GRIN2B: variants seen among roughly 807,000 people sequenced by gnomAD.
GRIN2B encodes the protein glutamate receptor ionotropic, NMDA 2B.
A neutral mutation model predicts 114.5 loss-of-function variants in GRIN2B; 5 were observed. The observed-to-expected ratio is 0.04, with a 90% CI of 0.02 to 0.09. The LOEUF (loss-of-function observed/expected upper bound fraction) is 0.09, where lower values mean the gene tolerates loss of function less well. GRIN2B is among the 10% of genes least tolerant of loss of function. The probability of loss-of-function intolerance (pLI) is 1.00; values close to 1 mark genes in which losing one functional copy is unlikely to be tolerated. For synonymous variants in GRIN2B, 787 were observed against 745.1 expected (o/e 1.06, Z -0.92); for missense variants, 1,108 against 1,943.5 (o/e 0.57, Z 8.08).
intron 3 of GRIN2B, among the ~76,000 whole-genome samples, chr12:13,860,306 T>C (rs1865731926): frequency 6.6e-6 from 1 of 152,162 alleles, no homozygotes; most frequent in African/African-American, 2.4e-5. Flanking sequence ...AAAGCATCCA[T>C]TCCCAAAGAA....
intron 2 of GRIN2B, among the ~76,000 whole-genome samples, chr12:13,954,675 G>A (rs532881822): frequency 1.4e-3 from 210 of 151,586 alleles, no homozygotes; most frequent in Non-Finnish European, 2.3e-3. Context: ...ACCTGGGTGC[G>A]ATGGTGCACA....
chr12:13,874,650 C>G (rs941826842), intron 2 of GRIN2B, among the ~76,000 whole-genome samples: 1 of 152,138 alleles, frequency 6.6e-6, no homozygotes, highest in Admixed American at 6.5e-5. Flanking sequence ...CATTTGGCAG[C>G]AGATTAGGGC....
At chr12:13,580,518 A>G (rs77479455) in intron 10 of GRIN2B, among the ~76,000 whole-genome samples, 5,439 of 152,272 alleles carry the variant, frequency 0.036, 96 homozygotes, top group South Asian at 0.065. Context: ...TCAATGCCCA[A>G]ATGCCACTCA....
At chr12:13,842,440 T>C (rs1368601492) in intron 3 of GRIN2B, among the ~76,000 whole-genome samples, 2 of 152,040 alleles carry the variant, frequency 1.3e-5, no homozygotes, top group African/African-American at 4.8e-5. Flanking sequence ...CCCCCAGATC[T>C]TGGTTGCTCA....
At chr12:13,721,654 G>A (rs546779917) in intron 4 of GRIN2B, among the ~76,000 whole-genome samples, 24 of 152,124 alleles carry the variant, frequency 1.6e-4, no homozygotes, top group South Asian at 6.2e-4. Context: ...CACAGACACC[G>A]TTCGGAAATG....
chr12:13,793,512 AC>A (rs1465653055), intron 3 of GRIN2B, among the ~76,000 whole-genome samples: 1 of 152,154 alleles, frequency 6.6e-6, no homozygotes, highest in Admixed American at 6.5e-5. Flanking sequence ...TGTGTTCAGT[AC>A]CCTTCCTCCT....
At chr12:13,682,787 C>A (rs1262930538) in intron 4 of GRIN2B, among the ~76,000 whole-genome samples, 2 of 152,102 alleles carry the variant, frequency 1.3e-5, no homozygotes, top group Admixed American at 1.3e-4. Context: ...GTGTAAGTGG[C>A]AATGTGTAAA....
chr12:13,736,488 G>A (rs1863186592), intron 4 of GRIN2B, among the ~76,000 whole-genome samples: 1 of 152,146 alleles, frequency 6.6e-6, no homozygotes, highest in African/African-American at 2.4e-5. Flanking sequence ...GTTTGAGGAT[G>A]CAATGTAGTA....
chr12:13,560,990 C>T lies in GRIN2B; in HGVS notation c.*1793G>A, dbSNP rs1203189782. 2 of 152,126 alleles carry T rather than the reference C, an allele frequency of 1.3e-5. No individual in the cohort carries two copies. Among genetic ancestry groups the T allele is most frequent in the African/African-American group, 4.8e-5 (2 of 41,422 alleles). The allele number at this position is 152,126 out of a possible 1,614,324, so 9.4% of individuals were successfully genotyped here. On this transcript the variant is annotated 3_prime_UTR_variant, in exon 14 of 14. Coordinates refer to ENST00000609686, the MANE Select transcript of GRIN2B (RefSeq NM_000834.5). ...ACATGGCGATCCTGCAGTCAAGCTT[C>T]CACACAGACCTGGGGCTCTCTGGAT... is the stretch of plus-strand genomic sequence containing the variant.
At chr12:13,719,419 T>TAAAA (rs3831781) in intron 4 of GRIN2B, among the ~76,000 whole-genome samples, 32 of 150,998 alleles carry the variant, frequency 2.1e-4, no homozygotes, top group African/African-American at 7.5e-4. Flanking sequence ...TAGGATCACT[T>TAAAA]AAAAAAAAAG....
intron 3 of GRIN2B, among the ~76,000 whole-genome samples, chr12:13,864,844 A>G (rs1865801509): frequency 6.6e-6 from 1 of 152,200 alleles, no homozygotes; most frequent in African/African-American, 2.4e-5. Flanking sequence ...GGAGCTTTTA[A>G]GACTCCCGAA....
intron 3 of GRIN2B, among the ~76,000 whole-genome samples, chr12:13,854,540 A>G (rs931375946): frequency 3.9e-5 from 6 of 152,100 alleles, no homozygotes; most frequent in African/African-American, 1.2e-4. Context: ...GCAAAAAGCA[A>G]AAACAAAACA....
At chr12:13,690,755 A>T (rs932879400) in intron 4 of GRIN2B, among the ~76,000 whole-genome samples, 1 of 152,188 alleles carries the variant, frequency 6.6e-6, no homozygotes. Context: ...GAAATATTTT[A>T]TTCCGTAAGA....
intron 2 of GRIN2B, among the ~76,000 whole-genome samples, chr12:13,928,704 G>A (rs553414204): frequency 1.3e-5 from 2 of 152,324 alleles, no homozygotes; most frequent in South Asian, 2.1e-4. Flanking sequence ...CAAAGAGAAG[G>A]CAGAGGTATT....
chr12:13,715,940 T>C (rs1386237607), intron 4 of GRIN2B, among the ~76,000 whole-genome samples: 4 of 151,920 alleles, frequency 2.6e-5, no homozygotes, highest in Non-Finnish European at 5.9e-5. Flanking sequence ...GGAGGTATGT[T>C]TCTTCCAGCA....
In GRIN2B at chr12:13,550,918, GA is replaced by G. The variant is rs1425997321; in HGVS notation, c.*11864del. Reference sequence around the variant, plus strand: ...CTCAAGATGAATAAATTGAGAAAGAGAAGTAAAGAATGCAAGAGATGAAAAG... The same window carrying G: ...CTCAAGATGAATAAATTGAGAAAGAGAGTAAAGAATGCAAGAGATGAAAAG... On this transcript the variant is annotated 3_prime_UTR_variant, in exon 14 of 14. Transcript: ENST00000609686. 2 of 152,178 alleles carry G rather than the reference GA, an allele frequency of 1.3e-5. No homozygotes were observed. Among genetic ancestry groups the G allele is most frequent in the Non-Finnish European group, 2.9e-5 (2 of 68,038 alleles). The allele number at this position is 152,178 out of a possible 1,614,324, so 9.4% of individuals were successfully genotyped here.
chr12:13,863,767 A>G (rs1255474129), intron 3 of GRIN2B, among the ~76,000 whole-genome samples: 1 of 152,194 alleles, frequency 6.6e-6, no homozygotes, highest in Non-Finnish European at 1.5e-5. Context: ...GAGAGAAGCA[A>G]TCAGCTAGTT....
chr12:13,943,125 G>T lies in GRIN2B; in HGVS notation c.-19+36803C>A, dbSNP rs557726421. On this transcript the variant is annotated intron_variant, in intron 2 of 13. Coordinates refer to ENST00000609686, the MANE Select transcript of GRIN2B (RefSeq NM_000834.5). ...CCCGTCTGATAAGAGCACACCCCCA[G>T]GCACTTCTCAGTAGATGTGCCTGCC... Among the ~76,000 whole-genome samples, 9 of 152,210 alleles carry T rather than the reference G, an allele frequency of 5.9e-5. No individual in the cohort carries two copies. In the East Asian group the frequency reaches 1.4e-3, roughly 23 times the overall value.
At chr12:13,575,043 A>T (rs1948756412) in intron 10 of GRIN2B, among the ~76,000 whole-genome samples, 1 of 152,232 alleles carries the variant, frequency 6.6e-6, no homozygotes, top group Non-Finnish European at 1.5e-5. Context: ...CATAAGATAC[A>T]CAGAACTTAA....
Sources: allele counts gnomAD v4.1 joint callset (sites outside exome capture counted in the v4.1 genomes callset), GRCh38; gene constraint gnomAD v4.1.1; transcripts MANE v1.5; gene names NCBI Gene and HGNC (gene_info 2026-07-23, HGNC 2026-07-21).